The following TNRC6A variants were observed in gnomAD, a reference collection of about 807,000 sequenced individuals.
TNRC6A encodes the protein trinucleotide repeat containing adaptor 6A, also known as trinucleotide repeat-containing gene 6A protein.
Under a neutral mutation model 221.2 loss-of-function variants are expected in TNRC6A, and 44 were observed. The ratio of observed to expected loss-of-function variants is 0.20; its 90% CI spans 0.16 to 0.26. The LOEUF (loss-of-function observed/expected upper bound fraction) is 0.26. Among genes scored for constraint, TNRC6A ranks in the 10% least tolerant of loss-of-function variants. The pLI, the probability that TNRC6A is intolerant of heterozygous loss-of-function variation, is 1.00. For synonymous variants in TNRC6A, 847 were observed against 838.5 expected, an observed-to-expected ratio of 1.01 and a Z score of -0.18; for missense variants, 2,199 against 2,404.4, an observed-to-expected ratio of 0.91 and a Z score of 1.79.
chr16:24,775,680 C>A lies in TNRC6A; in HGVS notation c.164-1253C>A, dbSNP rs192841209. ...CTGAGTGGTTACAACACACTGGGCA[C>A]TTGACCAAGACTGTTGCTACTTTAT... On this transcript the variant is annotated intron_variant, in intron 4 of 24. Transcript: ENST00000395799. Among the ~76,000 whole-genome samples, 9 of 152,304 alleles carry A rather than the reference C, an allele frequency of 5.9e-5. 1 individual carries two copies. The East Asian group carries it at 1.7e-3, about 29-fold the overall frequency.
chr16:24,617,402 C>T (rs1008237354), intron 1 of TNRC6A, among the ~76,000 whole-genome samples: 2 of 152,182 alleles, frequency 1.3e-5, no homozygotes, highest in Non-Finnish European at 2.9e-5. Flanking sequence ...GGGTTACAGG[C>T]ATGAGCCACC....
chr16:24,659,622 T>C (rs1329468570), intron 2 of TNRC6A, among the ~76,000 whole-genome samples: 2 of 152,072 alleles, frequency 1.3e-5, no homozygotes, highest in African/African-American at 4.8e-5. Flanking sequence ...TTTGTATTAT[T>C]TGTAGAGACA....
chr16:24,682,395 T>TTTC (rs2055550331), intron 2 of TNRC6A, among the ~76,000 whole-genome samples: 1 of 150,824 alleles, frequency 6.6e-6, no homozygotes. Flanking sequence ...CCAGCTTTTT[T>TTTC]TTTTTTTTTT....
At chr16:24,814,300 G>A (rs1439021160) in intron 18 of TNRC6A, among the ~76,000 whole-genome samples, 4 of 152,064 alleles carry the variant, frequency 2.6e-5, no homozygotes, top group Non-Finnish European at 4.4e-5. Flanking sequence ...GGAGTTGCGA[G>A]CGAGGTTCTA....
chr16:24,703,509 T>C (rs1183638017), intron 2 of TNRC6A, among the ~76,000 whole-genome samples: 2 of 152,088 alleles, frequency 1.3e-5, no homozygotes, highest in African/African-American at 2.4e-5. Context: ...GCCCAGGAGA[T>C]TGAGGCCAGC....
intron 4 of TNRC6A, among the ~76,000 whole-genome samples, chr16:24,762,400 C>T (rs907714812): frequency 6.6e-6 from 1 of 152,150 alleles, no homozygotes; most frequent in Non-Finnish European, 1.5e-5. Context: ...TTCTATGTGC[C>T]AGGCACTGTG....
chr16:24,735,716 A>G (rs1008433100), intron 2 of TNRC6A, among the ~76,000 whole-genome samples: 3 of 152,248 alleles, frequency 2.0e-5, no homozygotes, highest in Non-Finnish European at 4.4e-5. Context: ...CTGAAAGTAT[A>G]AATTGCAAAA....
chr16:24,760,325 C>G (rs935237209), intron 4 of TNRC6A, among the ~76,000 whole-genome samples: 1 of 152,032 alleles, frequency 6.6e-6, no homozygotes, highest in African/African-American at 2.4e-5. Context: ...TTGACTGATC[C>G]TTGGATATTT....
chr16:24,761,076 A>G (rs2151518493), intron 4 of TNRC6A, among the ~76,000 whole-genome samples: 1 of 152,302 alleles, frequency 6.6e-6, no homozygotes, highest in East Asian at 1.9e-4. Flanking sequence ...CTTCTCTTAC[A>G]GTTCATAATG....
At chr16:24,761,838 G>C (rs541426902) in intron 4 of TNRC6A, among the ~76,000 whole-genome samples, 2 of 152,212 alleles carry the variant, frequency 1.3e-5, no homozygotes, top group African/African-American at 4.8e-5. Flanking sequence ...GCTGACATTG[G>C]GTTTTTTGGG....
rs1054481936 is a variant in TNRC6A at position 24,824,936 on chromosome 16, G to A, written c.*1129G>A. The stretch of plus-strand genomic sequence containing the variant: ...GGAGTTTGACATTCTGCTTTCAGAT[G>A]CTGTCTTTTTATTAGTGAGTGATGA... On this transcript the variant is annotated 3_prime_UTR_variant, in exon 25 of 25. Coordinates refer to ENST00000395799, the MANE Select transcript of TNRC6A (RefSeq NM_014494.4). 2 of 152,550 alleles carry A rather than the reference G, an allele frequency of 1.3e-5. No individual in the cohort carries two copies. Among genetic ancestry groups the A allele is most frequent in the South Asian group, 2.1e-4 (1 of 4,824 alleles). The allele number at this position is 152,550 out of a possible 1,614,324, so 9.4% of individuals were successfully genotyped here.
At chr16:24,737,498 A>G (rs544123201) in intron 2 of TNRC6A, among the ~76,000 whole-genome samples, 1 of 152,372 alleles carries the variant, frequency 6.6e-6, no homozygotes, top group African/African-American at 2.4e-5. Context: ...TCTTGTAACT[A>G]GGGAAAAGCA....
chr16:24,781,957 G>A (rs372001015), intron 5 of TNRC6A, among the ~76,000 whole-genome samples: 37 of 152,096 alleles, frequency 2.4e-4, no homozygotes, highest in African/African-American at 8.9e-4. Context: ...CGAGTAGCTG[G>A]GACTACAGGC....
intron 2 of TNRC6A, among the ~76,000 whole-genome samples, chr16:24,699,480 G>A (rs6497754): frequency 0.75 from 114,375 of 152,114 alleles, 43,332 homozygotes; most frequent in African/African-American, 0.84. Flanking sequence ...CAGTTTGAGA[G>A]GCCAAGGCGG....
At chr16:24,664,328 T>A (rs1207141081) in intron 2 of TNRC6A, among the ~76,000 whole-genome samples, 1 of 150,786 alleles carries the variant, frequency 6.6e-6, no homozygotes, top group Non-Finnish European at 1.5e-5. Context: ...GTGACCCAAA[T>A]AATAATAAAA....
intron 2 of TNRC6A, among the ~76,000 whole-genome samples, chr16:24,685,508 G>C (rs1027317212): frequency 3.9e-5 from 6 of 152,064 alleles, no homozygotes. Context: ...GGTGAATTTT[G>C]TTTATTTTTT....
intron 2 of TNRC6A, among the ~76,000 whole-genome samples, chr16:24,697,762 C>G (rs1394800883): frequency 6.6e-6 from 1 of 151,994 alleles, no homozygotes; most frequent in Non-Finnish European, 1.5e-5. Flanking sequence ...CAGACTGGGG[C>G]CGGGCATGGT....
intron 2 of TNRC6A, among the ~76,000 whole-genome samples, chr16:24,693,879 C>G (rs752522534): frequency 7.2e-6 from 1 of 139,794 alleles, no homozygotes; most frequent in Admixed American, 7.6e-5. Context: ...GCATGGGTGA[C>G]AGAGTGGGAC....
chr16:24,781,597 C>T (rs2057847438), intron 5 of TNRC6A, among the ~76,000 whole-genome samples: 1 of 152,122 alleles, frequency 6.6e-6, no homozygotes. Flanking sequence ...ATTTTAGGTC[C>T]TCTTCTGGAA....
Sources: allele counts gnomAD v4.1 joint callset (sites outside exome capture counted in the v4.1 genomes callset), GRCh38; gene constraint gnomAD v4.1.1; transcripts MANE v1.5; gene names NCBI Gene and HGNC (gene_info 2026-07-23, HGNC 2026-07-21).